SYT7: variants seen among roughly 807,000 people sequenced by gnomAD.
SYT7 encodes synaptotagmin 7.
Under a neutral mutation model 75.1 loss-of-function variants are expected in SYT7, and 29 were observed. That is an observed-to-expected ratio of 0.39 (90% CI 0.29 to 0.53). The LOEUF is 0.53. Ranked by LOEUF, SYT7 falls within the 20% of genes least tolerant of loss-of-function variation. The pLI, the probability that SYT7 is intolerant of heterozygous loss-of-function variation, is 0.77. For missense variants in SYT7, 693 were observed against 953.2 expected (o/e 0.73, Z 3.59); for synonymous variants, 376 against 401.7 (o/e 0.94, Z 0.76).
rs868554356 is a variant in SYT7, at chr11:61,528,189, G to C, written c.1201-4C>G. 1.2e-6 allele frequency: 2 copies of C among 1,610,124 alleles called. No homozygotes were observed. The highest frequency in any genetic ancestry group is 1.3e-5 in the African/African-American group (1 of 75,010). On this transcript the variant is annotated splice_polypyrimidine_tract_variant and splice_region_variant and intron_variant, in intron 8 of 12. Coordinates refer to ENST00000539008, the MANE Select transcript of SYT7 (RefSeq NM_001365809.2). ...CCTCCTCGGAGCCTGGGGAGAGCTGGGGGTGGGGGAGAGGCCGGCAGGGTT... is the reference window on the plus strand; with the variant it reads ...CCTCCTCGGAGCCTGGGGAGAGCTGCGGGTGGGGGAGAGGCCGGCAGGGTT...
intron 3 of SYT7, among the ~76,000 whole-genome samples, chr11:61,550,096 G>A (rs1476587608): frequency 6.6e-6 from 1 of 152,222 alleles, no homozygotes; most frequent in Non-Finnish European, 1.5e-5. Context: ...GGCCCTGCCA[G>A]CACTTGGCTT....
At chr11:61,518,928 C>T (rs1452285036) in intron 12 of SYT7, among the ~76,000 whole-genome samples, 197 bp from the exon 13 acceptor site, 1 of 152,228 alleles carries the variant, frequency 6.6e-6, no homozygotes, top group Non-Finnish European at 1.5e-5. Context: ...TGGTTGTCTA[C>T]CCCCACACCC....
At chr11:61,587,916 A>G in the SYT7 span, among the ~76,000 whole-genome samples, 1 of 152,090 alleles carries the variant, frequency 6.6e-6, no homozygotes, top group Non-Finnish European at 1.5e-5. Flanking sequence ...GGGGGACGGT[A>G]CACAGATGGG....
chr11:61,520,017 A>C (rs1355406302), intron 12 of SYT7, among the ~76,000 whole-genome samples: 1 of 135,726 alleles, frequency 7.4e-6, no homozygotes, highest in Non-Finnish European at 1.7e-5. Flanking sequence ...GATGGGTTTC[A>C]CTATGTTGGG....
Position 61,542,990 on chromosome 11 carries a change from G to A in SYT7, c.573-411C>T, listed in dbSNP as rs572628608. On this transcript the variant is annotated intron_variant, in intron 5 of 12. Coordinates refer to ENST00000539008, the MANE Select transcript of SYT7 (RefSeq NM_001365809.2). This position sits in a 1 kb window ranked among gnomAD's most constrained non-coding sequence, Gnocchi z 7.8. ...AGAGGGAGCTGCTGTGGCCCCTCCCGCTATTTCGCTGGGGGACACCAGGAA... is the reference window on the plus strand; with the variant it reads ...AGAGGGAGCTGCTGTGGCCCCTCCCACTATTTCGCTGGGGGACACCAGGAA... Among the ~76,000 whole-genome samples the A allele has an allele frequency of 7.9e-5, 12 of 152,310 alleles. No homozygotes were observed. Among genetic ancestry groups the A allele is most frequent in the African/African-American group, 2.2e-4 (9 of 41,570 alleles).
Position 61,576,352 on chromosome 11 carries a change from G to A in SYT7, c.31+4438C>T, listed in dbSNP as rs2064077743. On this transcript the variant is annotated intron_variant, in intron 1 of 12. Transcript: ENST00000539008. The surrounding 1 kb of genome is among the most constrained non-coding windows in gnomAD (Gnocchi z 4.1). The stretch of plus-strand genomic sequence containing the variant: ...AGGCACCCGGGCTGGGCCTGGCACA[G>A]GCTGGTGCCGGCACCTGGCCAGACC... Among the ~76,000 whole-genome samples, 1 of 152,238 alleles carries A rather than the reference G, an allele frequency of 6.6e-6. No homozygotes were observed. The highest frequency in any genetic ancestry group is 2.4e-5 in the African/African-American group (1 of 41,466).
At position 61,533,119 on chromosome 11, in the gene SYT7, G is replaced by A; in HGVS notation, c.1070C>T (p.Pro357Leu). The change falls in exon 8 of 13, where the codon CCT (proline) becomes CTT (leucine). Residue 357 changes from proline to leucine, a missense_variant. Pro to Leu is a moderately conservative substitution (Grantham distance 98, BLOSUM62 -3). This residue lies in a region of SYT7 where 487 missense variants were observed against 593.2 expected (regional missense o/e 0.82). Coordinates refer to ENST00000539008, the MANE Select transcript of SYT7 (RefSeq NM_001365809.2). ...TGTGTTCACCGCCTTCCCTCCTGCA[G>A]GCAACCTGAGGGCAGGGGAGTCCAA... ...NQNAQGDKRL[P>L]AGGKAVNTAP... is the part of the protein sequence containing the mutation. 6.3e-7 allele frequency: 1 copy of A among 1,595,678 alleles called. No individual in the cohort carries two copies. The highest frequency in any genetic ancestry group is 8.5e-7 in the Non-Finnish European group (1 of 1,171,438).
At chr11:61,554,473 C>T (rs887134933) in intron 2 of SYT7, among the ~76,000 whole-genome samples, 1 of 152,144 alleles carries the variant, frequency 6.6e-6, no homozygotes, top group Non-Finnish European at 1.5e-5. Context: ...GACACACACA[C>T]ACAGTGCACC....
chr11:61,549,827 C>T (rs893056204), intron 3 of SYT7, among the ~76,000 whole-genome samples: 19 of 152,234 alleles, frequency 1.2e-4, no homozygotes, highest in Admixed American at 9.2e-4. Flanking sequence ...TGGTCCCAGC[C>T]TGGCACAGCC....
chr11:61,575,697 G>A (rs1350329636), intron 1 of SYT7, among the ~76,000 whole-genome samples: 2 of 152,202 alleles, frequency 1.3e-5, no homozygotes, highest in African/African-American at 2.4e-5. Context: ...ACAGGGCCGG[G>A]GGAGGGGCCC....
Position 61,542,181 on chromosome 11 carries a change from G to A in SYT7, c.941+30C>T. On this transcript the variant is annotated intron_variant, in intron 6 of 12. Coordinates refer to ENST00000539008, the MANE Select transcript of SYT7 (RefSeq NM_001365809.2). This position sits in a 1 kb window ranked among gnomAD's most constrained non-coding sequence, Gnocchi z 7.8. ...GGCAGGAGGCTGGGTCAGGGAGGTG[G>A]GGGCCGGCCCGCTCAAGGGGAGGAC... 2 of 1,524,462 alleles carry A rather than the reference G, an allele frequency of 1.3e-6. No individual in the cohort carries two copies. Among genetic ancestry groups the A allele is most frequent in the Non-Finnish European group, 1.8e-6 (2 of 1,141,688 alleles). The allele number at this position is 1,524,462 out of a possible 1,614,324, so 94.4% of individuals were successfully genotyped here.
intron 1 of SYT7, among the ~76,000 whole-genome samples, chr11:61,579,805 T>C (rs1265862197): frequency 6.6e-6 from 1 of 152,172 alleles, no homozygotes; most frequent in Non-Finnish European, 1.5e-5. Flanking sequence ...GCTTTTAGCA[T>C]CAGAGAGAAG....
intron 1 of SYT7, among the ~76,000 whole-genome samples, chr11:61,564,857 C>A (rs1171307593): frequency 2.0e-5 from 3 of 152,164 alleles, no homozygotes; most frequent in Admixed American, 6.5e-5. Flanking sequence ...CTCAGAGAAG[C>A]ACCCTCAATA....
intron 1 of SYT7, among the ~76,000 whole-genome samples, chr11:61,579,661 C>T (rs1261716618): frequency 6.6e-6 from 1 of 152,250 alleles, no homozygotes; most frequent in African/African-American, 2.4e-5. Flanking sequence ...CTTCAGGAGC[C>T]TCAGGGCTGC....
At chr11:61,587,649 G>A in the SYT7 span, among the ~76,000 whole-genome samples, 1 of 152,394 alleles carries the variant, frequency 6.6e-6, no homozygotes, top group South Asian at 2.1e-4. Flanking sequence ...CTGGGGGGCG[G>A]GGGACGAGGC....
chr11:61,573,495 C>T (rs1333286491), intron 1 of SYT7, among the ~76,000 whole-genome samples: 1 of 152,254 alleles, frequency 6.6e-6, no homozygotes, highest in Admixed American at 6.5e-5. Flanking sequence ...ATCTACCCAC[C>T]TGCCTCCTGA....
intron 1 of SYT7, among the ~76,000 whole-genome samples, chr11:61,563,522 G>A (rs1001803716): frequency 6.6e-6 from 1 of 152,226 alleles, no homozygotes; most frequent in Non-Finnish European, 1.5e-5. Context: ...ACTAAGGCAT[G>A]GGGAATAATA....
chr11:61,579,975 T>G (rs867751404), intron 1 of SYT7, among the ~76,000 whole-genome samples: 16 of 152,126 alleles, frequency 1.1e-4, no homozygotes, highest in African/African-American at 2.9e-4. Flanking sequence ...AAGGAGGAAA[T>G]GGCAGAGCAA....
chr11:61,547,079 G>A (rs2063213208), intron 4 of SYT7, 98 bp downstream of exon 4: 3 of 1,389,256 alleles, frequency 2.2e-6, no homozygotes, highest in African/African-American at 1.4e-5. Context: ...GAGGAGAGAG[G>A]GAGTGAGCGG....
Sources: gnomAD v4.1 joint callset for allele counts (sites outside exome capture counted in the v4.1 genomes callset) on GRCh38, gnomAD v4.1.1 for gene constraint, gnomAD v4.1.1 regional missense constraint, Gnocchi (gnomAD v3.1) non-coding constraint, MANE v1.5 for transcripts, NCBI Gene and HGNC (gene_info 2026-07-23, HGNC 2026-07-21) for gene names.